Variants in SYNPO observed in about 807,000 individuals in gnomAD.
SYNPO encodes synaptopodin.
SYNPO carries 19 observed loss-of-function variants against 49.5 expected under a neutral mutation model. That is an observed-to-expected ratio of 0.38 (90% CI 0.27 to 0.56). The LOEUF (loss-of-function observed/expected upper bound fraction) is 0.56, where lower values mean the gene tolerates loss of function less well. SYNPO is among the 20% of genes least tolerant of loss of function. SYNPO has a pLI of 0.68. For missense variants in SYNPO, 1,131 were observed against 1,248.3 expected, an observed-to-expected ratio of 0.91 and a Z score of 1.42; for synonymous variants, 536 against 548.0, an observed-to-expected ratio of 0.98 and a Z score of 0.31.
chr5:150,618,844 ACCATATTTTT>A, intron 2 of SYNPO: 1 of 1,512,592 alleles, frequency 6.6e-7, no homozygotes, highest in South Asian at 1.2e-5. Flanking sequence ...AGGGCTCCTG[ACCATATTTTT>A]CCATGATCCA....
At chr5:150,593,328 G>A in the SYNPO span, among the ~76,000 whole-genome samples, 1 of 152,212 alleles carries the variant, frequency 6.6e-6, no homozygotes, top group African/African-American at 2.4e-5. Flanking sequence ...GTCTGCAGGA[G>A]TTGCAGGCAG....
intron 2 of SYNPO, among the ~76,000 whole-genome samples, chr5:150,626,133 C>T (rs904928583): frequency 1.0e-4 from 15 of 144,978 alleles, no homozygotes; most frequent in African/African-American, 4.0e-4. Context: ...GCCTTACTGG[C>T]GCCAGCCTGC....
Position 150,657,412 on chromosome 5 carries a change from T to G in SYNPO, c.*325T>G, listed in dbSNP as rs184189364. The G allele has an allele frequency of 1.7e-3, 500 of 294,116 alleles. 10 individuals carry two copies. In the East Asian group the frequency reaches 0.022, roughly 13 times the overall value. The allele number at this position is 294,116 out of a possible 1,614,324, so 18.2% of individuals were successfully genotyped here. A position where few individuals can be genotyped will look rare whatever the true frequency, so the allele number is the denominator to read the frequency against. Reference sequence around the variant, plus strand: ...CACACACCGATGCACACACACTCTCTCTTTCTCTCTCTCTCTCTCTCACAC... The same window carrying G: ...CACACACCGATGCACACACACTCTCGCTTTCTCTCTCTCTCTCTCTCACAC... On this transcript the variant is annotated 3_prime_UTR_variant, in exon 3 of 3. Coordinates refer to ENST00000307662, the MANE Select transcript of SYNPO (RefSeq NM_007286.6).
At chr5:150,655,494 T>TG (rs907706432) in intron 2 of SYNPO, among the ~76,000 whole-genome samples, 3 of 152,182 alleles carry the variant, frequency 2.0e-5, no homozygotes, top group African/African-American at 7.2e-5. Flanking sequence ...CCCTAAGTCA[T>TG]GGGGAAACCG....
At chr5:150,622,839 C>T (rs993732092) in intron 2 of SYNPO, among the ~76,000 whole-genome samples, 4 of 152,222 alleles carry the variant, frequency 2.6e-5, no homozygotes, top group African/African-American at 9.7e-5. Flanking sequence ...GAGCACTGCT[C>T]ACAGGTTCAC....
intron 2 of SYNPO, chr5:150,650,565 G>T: frequency 6.9e-7 from 1 of 1,459,532 alleles, no homozygotes; most frequent in East Asian, 2.5e-5. Flanking sequence ...TGTCTGAGCG[G>T]GGAGGAGGGT....
Position 150,656,855 on chromosome 5 carries a change from C to G in SYNPO, c.2480C>G (p.Pro827Arg). ...GCCTTCGCGCCCATCCCGCGGAGCC[C>G]GTTGCCCGCCGGTCCTTCGTCCTGC... ...GAAFAPIPRSPLPAGPSSCTS... is the reference protein window; with the variant it reads ...GAAFAPIPRSRLPAGPSSCTS... The change falls in exon 3 of 3, where the codon CCG becomes CGG. Residue 827 changes from proline to arginine, a missense_variant. By Grantham distance (103) the Pro-to-Arg change is moderately radical (BLOSUM62 -2). This residue lies in a region of SYNPO where 509 missense variants were observed against 484.5 expected (regional missense o/e 1.05). Transcript: ENST00000307662. The G allele has an allele frequency of 6.4e-7, 1 of 1,560,104 alleles. No individual in the cohort carries two copies. Among genetic ancestry groups the G allele is most frequent in the Non-Finnish European group, 8.7e-7 (1 of 1,155,270 alleles).
At chr5:150,601,924 C>A (rs1756553119) in intron 1 of SYNPO, among the ~76,000 whole-genome samples, 1 of 152,234 alleles carries the variant, frequency 6.6e-6, no homozygotes, top group Admixed American at 6.5e-5. Context: ...ATCTCGGCTC[C>A]CACATCTGTT....
chr5:150,608,484 T>C (rs1464925235), intron 1 of SYNPO: 5 of 152,148 alleles, frequency 3.3e-5, no homozygotes, highest in Non-Finnish European at 7.4e-5. Context: ...GGTAAGAGCC[T>C]CTCCTCCCAT....
chr5:150,607,702 ATGCCAGCAC>A (rs1756732220), intron 1 of SYNPO, among the ~76,000 whole-genome samples: 1 of 152,144 alleles, frequency 6.6e-6, no homozygotes, highest in East Asian at 1.9e-4. Flanking sequence ...CCTGACTGCA[ATGCCAGCAC>A]TGTCCCCTGA....
Position 150,649,380 on chromosome 5 carries a change from G to T in SYNPO, c.1105G>T (p.Glu369Ter). 6.2e-7 allele frequency: 1 copy of T among 1,614,182 alleles called. No individual in the cohort carries two copies. Among genetic ancestry groups the T allele is most frequent in the Non-Finnish European group, 8.5e-7 (1 of 1,180,036 alleles). The change falls in exon 2 of 3, where the codon GAG (glutamate) becomes TAG (stop). Residue 369 changes from glutamate (E) to a stop codon, truncating the protein, a stop_gained. Coordinates refer to ENST00000307662, the MANE Select transcript of SYNPO (RefSeq NM_007286.6). LOFTEE classifies it high-confidence loss of function. ...VPASKTGILE[E>*]SMARRGSRKS... ...TGCCAGCAAGACGGGCATTCTGGAG[G>T]AGTCGATGGCCCGCCGGGGCAGCCG...
chr5:150,647,100 G>A (rs1265841648), intron 1 of SYNPO, among the ~76,000 whole-genome samples: 3 of 152,082 alleles, frequency 2.0e-5, no homozygotes, highest in Non-Finnish European at 4.4e-5. Context: ...AAAATTAGCC[G>A]GGCATGGTGG....
In SYNPO at chr5:150,621,987, T is replaced by C. The variant is rs140094125; in HGVS notation, c.400+3220T>C. 1.1e-4 allele frequency among the ~76,000 whole-genome samples: 16 copies of C among 152,282 alleles called. No homozygotes were observed. In the East Asian group the frequency reaches 3.1e-3, roughly 29 times the overall value. ...AGCTGGTCATAACTGGTAGCGTTTC[T>C]TGAGATTGTTGTGCAGATGGAGACT... On this transcript the variant is annotated intron_variant, in intron 2 of 2. Transcript: ENST00000394243.
chr5:150,629,293 G>T (rs1254577757), intron 2 of SYNPO, among the ~76,000 whole-genome samples: 2 of 152,158 alleles, frequency 1.3e-5, no homozygotes, highest in Non-Finnish European at 2.9e-5. Flanking sequence ...CACCATGCCC[G>T]GCCTAGGAAC....
intron 1 of SYNPO, among the ~76,000 whole-genome samples, chr5:150,615,557 T>C (rs1016071141): frequency 2.0e-5 from 3 of 152,204 alleles, no homozygotes; most frequent in Non-Finnish European, 2.9e-5. Context: ...TCCAGCATCA[T>C]CTGGCTCAGT....
the SYNPO span, among the ~76,000 whole-genome samples, chr5:150,595,511 C>G: frequency 1.3e-5 from 2 of 152,232 alleles, no homozygotes; most frequent in African/African-American, 4.8e-5. Flanking sequence ...TCTGGGTAGG[C>G]ATTAGGAGTC....
At chr5:150,635,799 G>A (rs901958169), upstream of SYNPO, among the ~76,000 whole-genome samples, 2 of 152,270 alleles carry the variant, frequency 1.3e-5, no homozygotes, top group South Asian at 4.1e-4. Context: ...TCCACATTAT[G>A]TCTATCATTC....
chr5:150,652,950 C>A (rs1289547098), intron 2 of SYNPO: 2 of 152,190 alleles, frequency 1.3e-5, no homozygotes, highest in African/African-American at 4.8e-5. Flanking sequence ...CCTCAGTTTC[C>A]CCTTCTGTGC....
upstream of SYNPO, among the ~76,000 whole-genome samples, chr5:150,598,725 T>A (rs539072147): frequency 0.015 from 2,354 of 152,164 alleles, 53 homozygotes; most frequent in African/African-American, 0.054. Flanking sequence ...TCTGAACTGT[T>A]ACCAACAGAG....
Sources: gnomAD v4.1 joint callset for allele counts (sites outside exome capture counted in the v4.1 genomes callset) on GRCh38, gnomAD v4.1.1 for gene constraint, gnomAD v4.1.1 regional missense constraint, MANE v1.5 for transcripts, NCBI Gene and HGNC (gene_info 2026-07-23, HGNC 2026-07-21) for gene names.